SATB2: variants seen among roughly 807,000 people sequenced by gnomAD.
The protein encoded by SATB2 is DNA-binding protein SATB2.
SATB2 carries 1 observed loss-of-function variant against 73.4 expected under a neutral mutation model. The ratio of observed to expected loss-of-function variants is 0.01; its 90% confidence interval spans 0.00 to 0.06. SATB2 has a LOEUF of 0.06. Among genes scored for constraint, SATB2 ranks in the 10% least tolerant of loss-of-function variants. The pLI is 1.00. For missense variants in SATB2, 459 were observed against 945.8 expected, an observed-to-expected ratio of 0.49 and a Z score of 6.75; for synonymous variants, 397 against 367.0, an observed-to-expected ratio of 1.08 and a Z score of -0.93.
rs1474939687 is a variant in SATB2, at chr2:199,464,403, AC to A, written c.-141+432del. Among the ~76,000 whole-genome samples the A allele has an allele frequency of 1.3e-5, 2 of 150,328 alleles. No individual in the cohort carries two copies. The highest frequency in any genetic ancestry group is 3.9e-4 in the East Asian group (2 of 5,072). ...TCAATAAATTCAGCTGTTCACATAC[AC>A]CCCCACCACCATTTCCACGCGCGCG... On this transcript the variant is annotated intron_variant, in intron 1 of 11. Coordinates refer to the SATB2 transcript ENST00000260926. This position sits in a 1 kb window ranked among gnomAD's most constrained non-coding sequence, Gnocchi z 6.6.
chr2:199,436,943 A>G (rs1691670778), intron 2 of SATB2, among the ~76,000 whole-genome samples: 1 of 152,076 alleles, frequency 6.6e-6, no homozygotes, highest in Admixed American at 6.5e-5. Flanking sequence ...GAAAAGTGAC[A>G]ATGGATAGAA....
chr2:199,300,666 G>A (rs1687262392), intron 10 of SATB2, among the ~76,000 whole-genome samples: 1 of 152,118 alleles, frequency 6.6e-6, no homozygotes, highest in Non-Finnish European at 1.5e-5. Flanking sequence ...TGGACAAAGT[G>A]CCTTCTACTC....
chr2:199,289,662 TA>T (rs1456354911), intron 10 of SATB2, among the ~76,000 whole-genome samples: 1 of 152,154 alleles, frequency 6.6e-6, no homozygotes, highest in African/African-American at 2.4e-5. Context: ...GAGAACTCAG[TA>T]CAAAACAAAC....
At chr2:199,405,879 A>C (rs1316880377) in intron 3 of SATB2, among the ~76,000 whole-genome samples, 1 of 152,182 alleles carries the variant, frequency 6.6e-6, no homozygotes, top group Non-Finnish European at 1.5e-5. Flanking sequence ...GCTTGATTAT[A>C]TGAATATTGC....
Position 199,323,264 on chromosome 2 carries a change from C to A in SATB2, c.1542+539G>T, listed in dbSNP as rs1687937051. On this transcript the variant is annotated intron_variant, in intron 9 of 10. Transcript: ENST00000417098. ...TTAAAAGATTTTAGCACTTACTCTG[C>A]ACTCCCCCCACGTGTGTTTTCTCCT... Among the ~76,000 whole-genome samples, 3 of 152,194 alleles carry A rather than the reference C, an allele frequency of 2.0e-5. No homozygotes were observed. The South Asian group carries it at 6.2e-4, about 32-fold the overall frequency.
At chr2:199,295,249 C>G (rs1276519978) in intron 10 of SATB2, among the ~76,000 whole-genome samples, 3 of 152,140 alleles carry the variant, frequency 2.0e-5, no homozygotes. Context: ...TATTACCAAT[C>G]AGACAATCAG....
intron 7 of SATB2, among the ~76,000 whole-genome samples, chr2:199,338,760 AC>A (rs772087417): frequency 6.6e-6 from 1 of 151,888 alleles, no homozygotes; most frequent in African/African-American, 2.4e-5. Context: ...CTACTAAAAT[AC>A]AAAAAATTGG....
At chr2:199,376,226 T>C (rs903126485) in intron 5 of SATB2, among the ~76,000 whole-genome samples, 1 of 152,178 alleles carries the variant, frequency 6.6e-6, no homozygotes, top group African/African-American at 2.4e-5. Flanking sequence ...ACAACAGATA[T>C]GAGCCCCTGT....
At chr2:199,323,476 T>TACACACACACACACAC (rs1553546876) in intron 9 of SATB2, among the ~76,000 whole-genome samples, 2 of 142,754 alleles carry the variant, frequency 1.4e-5, no homozygotes, top group African/African-American at 5.3e-5. Context: ...GTTTTGTTCA[T>TACACACACACACACAC]ACACACACAC....
At chr2:199,343,746 G>A (rs1288903643) in intron 7 of SATB2, among the ~76,000 whole-genome samples, 2 of 152,122 alleles carry the variant, frequency 1.3e-5, no homozygotes, top group African/African-American at 2.4e-5. Flanking sequence ...ACATTCCTAC[G>A]CAGTTTCCAT....
chr2:199,404,772 T>A (rs149204521), intron 3 of SATB2, among the ~76,000 whole-genome samples: 1 of 152,208 alleles, frequency 6.6e-6, no homozygotes, highest in Non-Finnish European at 1.5e-5. Context: ...TCCAAAGTAT[T>A]ATATCACATT....
At chr2:199,470,100 G>T (rs1003049641), upstream of SATB2, 4 of 152,422 alleles carry the variant, frequency 2.6e-5, no homozygotes, top group Non-Finnish European at 5.9e-5. Flanking sequence ...AATCAAGATT[G>T]TGTGGCTGGG....
chr2:199,402,317 G>A (rs1207076460), intron 3 of SATB2, among the ~76,000 whole-genome samples: 2 of 152,130 alleles, frequency 1.3e-5, no homozygotes, highest in Admixed American at 6.5e-5. Flanking sequence ...CCCGGAAGGT[G>A]GAGGTTGCAG....
upstream of SATB2, among the ~76,000 whole-genome samples, chr2:199,458,987 G>T (rs1692393955): frequency 6.6e-6 from 1 of 152,124 alleles, no homozygotes; most frequent in Non-Finnish European, 1.5e-5. Context: ...GGCTGTGGGT[G>T]GCACAGGAAT....
intron 6 of SATB2, among the ~76,000 whole-genome samples, chr2:199,354,755 C>T (rs1399438634): frequency 6.6e-6 from 1 of 152,126 alleles, no homozygotes; most frequent in African/African-American, 2.4e-5. Flanking sequence ...TGAGTGAAAA[C>T]TGCAGGGAAT....
At chr2:199,323,655 G>C in intron 9 of SATB2, 148 bp downstream of exon 9, 13 of 939,532 alleles carry the variant, frequency 1.4e-5, no homozygotes, top group Admixed American at 2.1e-5. Flanking sequence ...GGGAATAAAA[G>C]CAAACTAGAG....
chr2:199,467,966 A>C (rs760646208), upstream of SATB2: 6 of 151,696 alleles, frequency 4.0e-5, no homozygotes, highest in Non-Finnish European at 8.8e-5. Context: ...TAATTGATCC[A>C]CTCAGTTTTC....
At chr2:199,413,754 C>T (rs1311962760) in intron 3 of SATB2, among the ~76,000 whole-genome samples, 1 of 152,126 alleles carries the variant, frequency 6.6e-6, no homozygotes, top group Non-Finnish European at 1.5e-5. Context: ...TCCCTACCCT[C>T]TTCCTGCCTG....
chr2:199,397,447 T>TAATATAAGCCACACA (rs1439921966), intron 3 of SATB2: 3 of 152,842 alleles, frequency 2.0e-5, no homozygotes, highest in African/African-American at 7.2e-5. Context: ...GAATAGTAAC[T>TAATATAAGCCACACA]AATATAAGCC....
Sources: allele counts gnomAD v4.1 joint callset (sites outside exome capture counted in the v4.1 genomes callset), GRCh38; gene constraint gnomAD v4.1.1; non-coding constraint Gnocchi (gnomAD v3.1); transcripts MANE v1.5; gene names NCBI Gene and HGNC (gene_info 2026-07-23, HGNC 2026-07-21).